RAB3C: variants seen among roughly 807,000 people sequenced by gnomAD.
RAB3C encodes the protein ras-related protein Rab-3C.
Under a neutral mutation model 26.4 loss-of-function variants are expected in RAB3C, and 17 were observed. The observed-to-expected ratio is 0.64, with a 90% CI of 0.44 to 0.97. The LOEUF (loss-of-function observed/expected upper bound fraction) is 0.97, where lower values mean the gene tolerates loss of function less well. Among genes scored for constraint, RAB3C ranks in the 50% least tolerant of loss-of-function variants. The probability of loss-of-function intolerance (pLI) is 0.00; values close to 1 mark genes in which losing one functional copy is unlikely to be tolerated. For missense variants in RAB3C, 242 were observed against 281.9 expected, an observed-to-expected ratio of 0.86 and a Z score of 1.01; for synonymous variants, 91 against 95.9, an observed-to-expected ratio of 0.95 and a Z score of 0.30.
intron 3 of RAB3C, among the ~76,000 whole-genome samples, chr5:58,787,285 T>C (rs1394436786): frequency 2.0e-5 from 3 of 152,206 alleles, no homozygotes; most frequent in Non-Finnish European, 4.4e-5. Flanking sequence ...TCTATGTAAA[T>C]TGTAAGCATT....
At chr5:58,657,668 G>A (rs1247274231) in intron 2 of RAB3C, among the ~76,000 whole-genome samples, 1 of 152,132 alleles carries the variant, frequency 6.6e-6, no homozygotes, top group Non-Finnish European at 1.5e-5. Context: ...CTTATATATA[G>A]GCTGTGCTGA....
chr5:58,757,736 G>A (rs1579902629), intron 3 of RAB3C, among the ~76,000 whole-genome samples: 1 of 152,138 alleles, frequency 6.6e-6, no homozygotes, highest in East Asian at 1.9e-4. Context: ...TTTAAAACAT[G>A]CTAGTATCTA....
intron 3 of RAB3C, among the ~76,000 whole-genome samples, chr5:58,749,230 C>G (rs1253002191): frequency 6.6e-6 from 1 of 152,178 alleles, no homozygotes; most frequent in African/African-American, 2.4e-5. Flanking sequence ...TTCTTATAGT[C>G]TGCCCTTCAC....
chr5:58,845,374 C>A (rs1160483556), intron 4 of RAB3C, among the ~76,000 whole-genome samples: 3 of 151,768 alleles, frequency 2.0e-5, no homozygotes, highest in East Asian at 1.9e-4. Flanking sequence ...ATTAGAATGC[C>A]CTCCTTGAAA....
intron 2 of RAB3C, among the ~76,000 whole-genome samples, chr5:58,660,180 T>C (rs1747871648): frequency 6.7e-6 from 1 of 150,134 alleles, no homozygotes; most frequent in Non-Finnish European, 1.5e-5. Flanking sequence ...ACAAAAAATT[T>C]AATACCCCCT....
chr5:58,704,983 G>C (rs558394556), intron 2 of RAB3C, among the ~76,000 whole-genome samples: 2 of 152,216 alleles, frequency 1.3e-5, no homozygotes, highest in South Asian at 2.1e-4. Context: ...ATGAATGGTA[G>C]ATTCAAAGTG....
At chr5:58,663,169 A>T (rs2111810003) in intron 2 of RAB3C, among the ~76,000 whole-genome samples, 1 of 150,278 alleles carries the variant, frequency 6.7e-6, no homozygotes, top group Non-Finnish European at 1.5e-5. Flanking sequence ...TGAAGAATCC[A>T]GGCATTCCTT....
At chr5:58,625,123 G>T (rs1747024450) in intron 2 of RAB3C, among the ~76,000 whole-genome samples, 1 of 152,202 alleles carries the variant, frequency 6.6e-6, no homozygotes, top group East Asian at 1.9e-4. Flanking sequence ...TAGCTTTGGA[G>T]CTTTTTCTCT....
rs1741168369 is a variant in RAB3C at position 58,737,411 on chromosome 5, AT to A, written c.371+11292del. Among the ~76,000 whole-genome samples the A allele has an allele frequency of 1.7e-4, 12 of 71,214 alleles. 1 individual carries two copies. Among genetic ancestry groups the A allele is most frequent in the Non-Finnish European group, 1.7e-4 (7 of 40,052 alleles). The allele number at this position is 71,214 out of a possible 152,430, so 46.7% of individuals were successfully genotyped here. Reference sequence around the variant, plus strand: ...CCCTATGAAATATATATATATATATATATATATATATATATATATATATATA... The same window carrying A: ...CCCTATGAAATATATATATATATATAATATATATATATATATATATATATA... On this transcript the variant is annotated intron_variant, in intron 3 of 4. Transcript: ENST00000282878.
chr5:58,595,229 G>T (rs1376298680), intron 1 of RAB3C, among the ~76,000 whole-genome samples: 1 of 152,202 alleles, frequency 6.6e-6, no homozygotes, highest in Non-Finnish European at 1.5e-5. Context: ...GGTGCTTGCA[G>T]TGAGTTATAT....
chr5:58,850,391 G>T (rs1197446246), intron 4 of RAB3C, among the ~76,000 whole-genome samples: 1 of 152,188 alleles, frequency 6.6e-6, no homozygotes, highest in Admixed American at 6.5e-5. Context: ...AGGTGCAGAG[G>T]TATACAAAGC....
At chr5:58,630,744 T>C (rs565580363) in intron 2 of RAB3C, among the ~76,000 whole-genome samples, 1 of 152,202 alleles carries the variant, frequency 6.6e-6, no homozygotes, top group Non-Finnish European at 1.5e-5. Flanking sequence ...TGAAAGACTT[T>C]AGGAACCTTC....
At chr5:58,632,963 G>T (rs1747215882) in intron 2 of RAB3C, among the ~76,000 whole-genome samples, 1 of 152,120 alleles carries the variant, frequency 6.6e-6, no homozygotes, top group African/African-American at 2.4e-5. Context: ...TCTAGTCTCT[G>T]AACTGGACAT....
intron 3 of RAB3C, among the ~76,000 whole-genome samples, chr5:58,767,824 T>C (rs906237425): frequency 6.6e-6 from 1 of 152,138 alleles, no homozygotes; most frequent in African/African-American, 2.4e-5. Context: ...CATGGAGGCT[T>C]ATAGCCTACT....
intron 1 of RAB3C, among the ~76,000 whole-genome samples, chr5:58,601,459 G>A (rs1373816738): frequency 6.6e-6 from 1 of 152,112 alleles, no homozygotes; most frequent in African/African-American, 2.4e-5. Context: ...ATTCTGCTGT[G>A]AATCTGTCTG....
At chr5:58,834,571 A>C (rs535170337) in intron 4 of RAB3C, among the ~76,000 whole-genome samples, 2 of 152,334 alleles carry the variant, frequency 1.3e-5, no homozygotes, top group Admixed American at 1.3e-4. Flanking sequence ...GTATTTCTCA[A>C]AGAATGAAAA....
chr5:58,845,612 A>ATATATATATGTGTGTGTG lies in RAB3C; in HGVS notation c.497-5551_497-5550insATATATATGTGTGTGTGT. 5.3e-4 allele frequency among the ~76,000 whole-genome samples: 43 copies of ATATATATATGTGTGTGTG among 81,718 alleles called. 3 individuals are homozygous for ATATATATATGTGTGTGTG. Among genetic ancestry groups the ATATATATATGTGTGTGTG allele is most frequent in the African/African-American group, 2.3e-3 (40 of 17,206 alleles). The allele number at this position is 81,718 out of a possible 152,430, so 53.6% of individuals were successfully genotyped here. Reference sequence around the variant, plus strand: ...ATTCTTACTATATATATATATATATATGTGTGTGTGTGTGTGTGTATATGT... The same window carrying ATATATATATGTGTGTGTG: ...ATTCTTACTATATATATATATATATATATATATATGTGTGTGTGTGTGTGTGTGTGTGTGTGTATATGT... On this transcript the variant is annotated intron_variant, in intron 4 of 4. Transcript: ENST00000282878.
At chr5:58,654,960 T>C (rs1747736551) in intron 2 of RAB3C, among the ~76,000 whole-genome samples, 1 of 152,170 alleles carries the variant, frequency 6.6e-6, no homozygotes, top group African/African-American at 2.4e-5. Context: ...TATGCACATA[T>C]AATTTTAGGT....
Position 58,858,945 on chromosome 5 carries a change from C to T in RAB3C, c.*7594C>T, listed in dbSNP as rs897277121. ...TGAGAGATTGTCCGACCTAATGCCA[C>T]CTGGCAGATGTGTACCCAGAGATTT... On this transcript the variant is annotated 3_prime_UTR_variant, in exon 5 of 5. Transcript: ENST00000282878. The T allele has an allele frequency of 3.3e-5, 5 of 152,180 alleles. No homozygotes were observed. The highest frequency in any genetic ancestry group is 3.3e-4 in the Admixed American group (5 of 15,268). The allele number at this position is 152,180 out of a possible 1,614,324, so 9.4% of individuals were successfully genotyped here.
Sources: gnomAD v4.1 joint callset for allele counts (sites outside exome capture counted in the v4.1 genomes callset) on GRCh38, gnomAD v4.1.1 for gene constraint, MANE v1.5 for transcripts, NCBI Gene and HGNC (gene_info 2026-07-23, HGNC 2026-07-21) for gene names.